The following UBE2U variants were observed in gnomAD, a reference collection of about 807,000 sequenced individuals.
UBE2U encodes the protein ubiquitin conjugating enzyme E2 U, also known as ubiquitin-conjugating enzyme E2 U.
In UBE2U, 39 loss-of-function variants were observed where a neutral mutation model predicts 41.2. The ratio of observed to expected loss-of-function variants is 0.95; its 90% CI spans 0.73 to 1.24. UBE2U has a LOEUF of 1.24. Among genes scored for constraint, UBE2U ranks in the 50% most tolerant of loss-of-function variants. The pLI, the probability that UBE2U is intolerant of heterozygous loss-of-function variation, is 0.00. For missense variants in UBE2U, 336 were observed against 363.1 expected (o/e 0.93, Z 0.61); for synonymous variants, 107 against 117.8 (o/e 0.91, Z 0.60).
intron 8 of UBE2U, among the ~76,000 whole-genome samples, chr1:64,258,189 T>A (rs567416346): frequency 6.6e-6 from 1 of 152,338 alleles, no homozygotes; most frequent in African/African-American, 2.4e-5. Flanking sequence ...AGAGACCTTG[T>A]CTGTCTTGTT....
intron 6 of UBE2U, among the ~76,000 whole-genome samples, chr1:64,224,968 C>CAA (rs1482765693): frequency 6.8e-6 from 1 of 146,902 alleles, no homozygotes; most frequent in Non-Finnish European, 1.5e-5. Context: ...CACACACACA[C>CAA]AACTGAAAGG....
chr1:64,255,229 G>A (rs1196760539), intron 8 of UBE2U, among the ~76,000 whole-genome samples: 10 of 151,820 alleles, frequency 6.6e-5, no homozygotes, highest in East Asian at 3.9e-4. Context: ...GGAAGAAATC[G>A]AATCCCTGAA....
At chr1:64,244,496 A>T (rs1371799605) in intron 8 of UBE2U, among the ~76,000 whole-genome samples, 1 of 152,152 alleles carries the variant, frequency 6.6e-6, no homozygotes, top group African/African-American at 2.4e-5. Context: ...GGAAACATGT[A>T]AAATTTGTCT....
intron 8 of UBE2U, among the ~76,000 whole-genome samples, chr1:64,246,083 TTG>T (rs1644915541): frequency 3.3e-5 from 5 of 152,176 alleles, no homozygotes; most frequent in African/African-American, 2.4e-5. Flanking sequence ...TGTGAAAAAG[TTG>T]TGTTTTTTCT....
intron 4 of UBE2U, among the ~76,000 whole-genome samples, 200 bp from the exon 5 acceptor site, chr1:64,214,615 T>G (rs1384214637): frequency 1.3e-5 from 2 of 152,190 alleles, no homozygotes; most frequent in Non-Finnish European, 2.9e-5. Flanking sequence ...TATCACAGTT[T>G]TATACCGTAC....
At chr1:64,244,559 A>G (rs1341423700) in intron 8 of UBE2U, among the ~76,000 whole-genome samples, 1 of 152,130 alleles carries the variant, frequency 6.6e-6, no homozygotes. Context: ...TGTAGTTCCT[A>G]TATGCCTCTG....
At chr1:64,211,036 G>A (rs1272801949) in intron 4 of UBE2U, among the ~76,000 whole-genome samples, 197 bp downstream of exon 4, 1 of 152,170 alleles carries the variant, frequency 6.6e-6, no homozygotes, top group African/African-American at 2.4e-5. Flanking sequence ...AAGTGAAATT[G>A]ATAGTTAAGG....
chr1:64,215,213 G>A (rs1651922662), intron 5 of UBE2U, among the ~76,000 whole-genome samples: 2 of 151,836 alleles, frequency 1.3e-5, no homozygotes, highest in South Asian at 2.1e-4. Context: ...CCCGGGCAAC[G>A]AGAGTGAAAC....
In UBE2U at chr1:64,221,021, TATA is replaced by T; in HGVS notation, c.506+118_506+120del. 7.5e-6 allele frequency: 5 copies of T among 664,036 alleles called. No individual in the cohort carries two copies. The South Asian group carries it at 1.1e-4, about 15-fold the overall frequency. The allele number at this position is 664,036 out of a possible 1,614,324, so 41.1% of individuals were successfully genotyped here. A position where few individuals can be genotyped will look rare whatever the true frequency, so the allele number is the denominator to read the frequency against. ...GTTTGTTTTTAATTTAGAAACATCT[TATA>T]ATATCTTTTTAAAATATTGTTTTCA... On this transcript the variant is annotated intron_variant, in intron 6 of 9. Coordinates refer to ENST00000371077, the MANE Select transcript of UBE2U (RefSeq NM_001366232.2).
chr1:64,246,641 G>A lies in UBE2U; in HGVS notation c.677+4908G>A, dbSNP rs958948417. On this transcript the variant is annotated intron_variant, in intron 8 of 9. Coordinates refer to ENST00000371077, the MANE Select transcript of UBE2U (RefSeq NM_001366232.2). ...AATCCTTTAGGAAAAAATGACTTTT[G>A]CCAAGCAACTATTTAGTCTCTGCTT... Among the ~76,000 whole-genome samples the A allele has an allele frequency of 5.3e-5, 8 of 152,084 alleles. No individual in the cohort carries two copies. In the South Asian group the frequency reaches 8.3e-4, roughly 16 times the overall value.
At chr1:64,232,701 AAC>A in intron 7 of UBE2U, 52 bp downstream of exon 7, 5 of 1,451,624 alleles carry the variant, frequency 3.4e-6, no homozygotes, top group Non-Finnish European at 4.8e-6. Flanking sequence ...TTAATCTGTT[AAC>A]ATTTATCTTG....
intron 6 of UBE2U, 74 bp downstream of exon 6, chr1:64,220,981 T>G: frequency 1.0e-6 from 1 of 974,728 alleles, no homozygotes; most frequent in Non-Finnish European, 1.5e-6. Flanking sequence ...TTTATGTTTT[T>G]CATCATAATT....
intron 8 of UBE2U, among the ~76,000 whole-genome samples, chr1:64,255,762 C>G (rs947185778): frequency 1.3e-5 from 2 of 152,040 alleles, no homozygotes; most frequent in African/African-American, 4.8e-5. Flanking sequence ...AAGTTCTGGC[C>G]AGGGCAATTA....
intron 5 of UBE2U, among the ~76,000 whole-genome samples, chr1:64,219,865 T>C (rs1652314116): frequency 6.6e-6 from 1 of 152,242 alleles, no homozygotes; most frequent in African/African-American, 2.4e-5. Flanking sequence ...CCCAAAGTGC[T>C]GGGATTACAG....
chr1:64,253,523 A>G (rs1645044319), intron 8 of UBE2U, among the ~76,000 whole-genome samples: 1 of 150,328 alleles, frequency 6.7e-6, no homozygotes, highest in Non-Finnish European at 1.5e-5. Flanking sequence ...GAGAAAGGCC[A>G]AGGCACCTGT....
At chr1:64,251,557 C>T (rs1303512433) in intron 8 of UBE2U, among the ~76,000 whole-genome samples, 1 of 152,072 alleles carries the variant, frequency 6.6e-6, no homozygotes. Context: ...CAGTTCAACC[C>T]ATGGAGAGCA....
chr1:64,213,584 C>T (rs1020925404), intron 4 of UBE2U, among the ~76,000 whole-genome samples: 1 of 152,128 alleles, frequency 6.6e-6, no homozygotes, highest in African/African-American at 2.4e-5. Context: ...GCAAGCTCCC[C>T]AAAATCAGGA....
intron 6 of UBE2U, among the ~76,000 whole-genome samples, chr1:64,225,292 A>G (rs1483446003): frequency 1.3e-5 from 2 of 152,206 alleles, no homozygotes; most frequent in Non-Finnish European, 2.9e-5. Context: ...CCCTAAATTT[A>G]GTATTTGTAT....
Position 64,260,603 on chromosome 1 carries a change from G to T in UBE2U, c.678G>T (p.Lys226Asn). Residue 226 changes from lysine (K) to asparagine (N), a missense_variant and splice_region_variant, in exon 9 of 10, where the codon AAG becomes AAT. Coordinates refer to ENST00000371077, the MANE Select transcript of UBE2U (RefSeq NM_001366232.2). ...TTTAGTTTTCTTTTTCTCTTTCTAGGTATTCCGTTATCAAGTGTTGGCTTG... is the reference window on the plus strand; with the variant it reads ...TTTAGTTTTCTTTTTCTCTTTCTAGTTATTCCGTTATCAAGTGTTGGCTTG... The part of the protein sequence containing the change: ...DLQHQKEWNL[K>N]YSVIKCWLAR... The T allele has an allele frequency of 6.5e-7, 1 of 1,546,422 alleles. No homozygotes were observed. The highest frequency in any genetic ancestry group is 1.2e-5 in the South Asian group (1 of 83,442).
Sources: gnomAD v4.1 joint callset for allele counts (sites outside exome capture counted in the v4.1 genomes callset) on GRCh38, gnomAD v4.1.1 for gene constraint, MANE v1.5 for transcripts, NCBI Gene and HGNC (gene_info 2026-07-23, HGNC 2026-07-21) for gene names.